DCP2: variants seen among roughly 807,000 people sequenced by gnomAD.
The protein encoded by DCP2 is decapping mRNA 2.
In DCP2, 30 loss-of-function variants were observed where a neutral mutation model predicts 56.1. The observed-to-expected ratio is 0.53, with a 90% CI of 0.40 to 0.73. The LOEUF (loss-of-function observed/expected upper bound fraction) is 0.73, where lower values mean the gene tolerates loss of function less well. Among genes scored for constraint, DCP2 ranks in the 30% least tolerant of loss-of-function variants. The pLI is 0.00. For synonymous variants in DCP2, 197 were observed against 163.3 expected, an observed-to-expected ratio of 1.21 and a Z score of -1.57; for missense variants, 533 against 502.7, an observed-to-expected ratio of 1.06 and a Z score of -0.58.
chr5:112,992,845 T>G, intron 4 of DCP2, 75 bp downstream of exon 4: 2 of 1,158,102 alleles, frequency 1.7e-6, no homozygotes, highest in Non-Finnish European at 2.4e-6. Flanking sequence ...CCATATAGAC[T>G]TACTTCTTTG....
intron 7 of DCP2, 90 bp from the exon 8 acceptor site, chr5:113,003,852 A>G (rs1172830798): frequency 7.0e-7 from 1 of 1,418,442 alleles, no homozygotes; most frequent in Non-Finnish European, 9.8e-7. Context: ...AAATAAGAAA[A>G]TATGTAGTCT....
chr5:112,985,655 C>G (rs1169404969), intron 1 of DCP2, among the ~76,000 whole-genome samples, 180 bp from the exon 2 acceptor site: 1 of 152,178 alleles, frequency 6.6e-6, no homozygotes, highest in Non-Finnish European at 1.5e-5. Flanking sequence ...CATGTGGTGT[C>G]TCCTCTCTAA....
In DCP2 at chr5:113,011,812, C is replaced by T. The variant is rs536723385; in HGVS notation, c.1099+1005C>T. Among the ~76,000 whole-genome samples the T allele has an allele frequency of 3.9e-5, 6 of 152,154 alleles. No individual in the cohort carries two copies. The South Asian group carries it at 1.2e-3, about 32-fold the overall frequency. Reference sequence around the variant, plus strand: ...GATGGGCATCAGAGAGCTTTTTTCCCTGTTTTCTTCTAGGAATGCTACAGT... The same window carrying T: ...GATGGGCATCAGAGAGCTTTTTTCCTTGTTTTCTTCTAGGAATGCTACAGT... On this transcript the variant is annotated intron_variant, in intron 10 of 10. Coordinates refer to ENST00000389063, the MANE Select transcript of DCP2 (RefSeq NM_152624.6).
intron 10 of DCP2, 58 bp from the exon 11 acceptor site, chr5:113,013,263 G>C (rs893299272): frequency 3.2e-6 from 5 of 1,538,672 alleles, no homozygotes; most frequent in Non-Finnish European, 4.4e-6. Flanking sequence ...GCAAAGGGCA[G>C]TATTTGATTT....
At chr5:113,005,151 G>GGTGTGTGGGTGTGTGGGTGT (rs70973659) in intron 8 of DCP2, among the ~76,000 whole-genome samples, 1 of 149,420 alleles carries the variant, frequency 6.7e-6, no homozygotes, top group Admixed American at 6.6e-5. Flanking sequence ...TGTGCGTGTG[G>GGTGTGTGGGTGTGTGGGTGT]GTGTGTGTGT....
intron 2 of DCP2, among the ~76,000 whole-genome samples, chr5:112,986,500 AT>A (rs1038143963): frequency 1.7e-4 from 26 of 149,132 alleles, no homozygotes; most frequent in Middle Eastern, 3.4e-3. Context: ...ATTCCTGCTA[AT>A]TTTTTTTTTA....
At chr5:113,010,563 A>G (rs185366295) in intron 9 of DCP2, among the ~76,000 whole-genome samples, 193 bp from the exon 10 acceptor site, 148 of 152,200 alleles carry the variant, frequency 9.7e-4, no homozygotes, top group Non-Finnish European at 9.0e-4. Context: ...TCAAGAACTA[A>G]AAAAAATTTT....
intron 3 of DCP2, 74 bp from the exon 4 acceptor site, chr5:112,992,598 A>G (rs916427744): frequency 1.1e-5 from 12 of 1,112,736 alleles, no homozygotes; most frequent in Non-Finnish European, 1.6e-5. Context: ...GTAAGGAGAA[A>G]AATGCCTTTG....
intron 2 of DCP2, among the ~76,000 whole-genome samples, chr5:112,987,620 CT>C (rs562254738): frequency 0.016 from 1,132 of 69,648 alleles, 6 homozygotes; most frequent in Middle Eastern, 0.032. Flanking sequence ...ACCTAGGTGC[CT>C]TTTTTTTTTT....
At chr5:112,996,928 C>A (rs1380623265) in intron 4 of DCP2, among the ~76,000 whole-genome samples, 1 of 152,136 alleles carries the variant, frequency 6.6e-6, no homozygotes, top group African/African-American at 2.4e-5. Context: ...AATGAGCATT[C>A]CAATGGCTGA....
In DCP2 at chr5:113,015,860, A is replaced by G. The variant is rs1749865117; in HGVS notation, c.*2376A>G. ...GCGAACTGGATTTCTCCTTTGAGAA[A>G]TTTTAGTATGGTTTGAGGAAATCAA... On this transcript the variant is annotated 3_prime_UTR_variant, in exon 11 of 11. Coordinates refer to ENST00000389063, the MANE Select transcript of DCP2 (RefSeq NM_152624.6). 1 of 152,634 alleles carries G rather than the reference A, an allele frequency of 6.6e-6. No homozygotes were observed. The highest frequency in any genetic ancestry group is 1.5e-5 in the Non-Finnish European group (1 of 68,036). 9.5% of individuals were successfully genotyped at this position (152,634 alleles called of 1,614,324 possible).
chr5:113,009,228 C>A (rs1169549289), intron 9 of DCP2, among the ~76,000 whole-genome samples: 2 of 152,152 alleles, frequency 1.3e-5, no homozygotes, highest in Admixed American at 6.5e-5. Flanking sequence ...CAATAAAATT[C>A]TTTGTAGATT....
intron 4 of DCP2, among the ~76,000 whole-genome samples, chr5:112,999,114 A>G (rs1179177646): frequency 6.6e-6 from 1 of 152,180 alleles, no homozygotes; most frequent in Non-Finnish European, 1.5e-5. Context: ...ATCTAGTTAG[A>G]TACTGTTGGT....
chr5:112,993,829 C>G (rs1209917283), intron 4 of DCP2, among the ~76,000 whole-genome samples: 6 of 152,022 alleles, frequency 3.9e-5, no homozygotes, highest in East Asian at 3.8e-4. Flanking sequence ...TTTTCTGTCT[C>G]TCTCTCGTGT....
At chr5:113,000,961 T>C in intron 4 of DCP2, 123 bp from the exon 5 acceptor site, 1 of 1,011,862 alleles carries the variant, frequency 9.9e-7, no homozygotes, top group Non-Finnish European at 1.4e-6. Flanking sequence ...AGCCTGTCAT[T>C]TCTAGAAATA....
chr5:112,987,703 C>A (rs537941257), intron 2 of DCP2, among the ~76,000 whole-genome samples: 55 of 143,184 alleles, frequency 3.8e-4, no homozygotes, highest in African/African-American at 1.4e-3. Context: ...CAAACTCCTG[C>A]CGTCAAGTGA....
chr5:113,002,906 A>G (rs1052824555), intron 7 of DCP2, among the ~76,000 whole-genome samples: 18 of 152,198 alleles, frequency 1.2e-4, no homozygotes, highest in Admixed American at 1.2e-3. Flanking sequence ...GTATTTTTAA[A>G]CATAATATAT....
intron 8 of DCP2, among the ~76,000 whole-genome samples, chr5:113,007,117 T>C (rs904553944): frequency 2.6e-5 from 4 of 151,904 alleles, no homozygotes; most frequent in African/African-American, 9.7e-5. Flanking sequence ...GGCAACAAAG[T>C]GAGACTCCAT....
Position 112,991,475 on chromosome 5 carries a change from A to G in DCP2, c.206-646A>G, listed in dbSNP as rs377532845. Reference sequence around the variant, plus strand: ...ATGCCTAGTTTCTTTGAAACTGGCTATGTTTTCCTTAATACCTGATTTGCC... The same window carrying G: ...ATGCCTAGTTTCTTTGAAACTGGCTGTGTTTTCCTTAATACCTGATTTGCC... On this transcript the variant is annotated intron_variant, in intron 2 of 10. Transcript: ENST00000389063. 1.3e-3 allele frequency among the ~76,000 whole-genome samples: 196 copies of G among 152,322 alleles called. 1 individual carries two copies. The highest frequency in any genetic ancestry group is 4.6e-3 in the African/African-American group (190 of 41,576).
Sources: allele counts gnomAD v4.1 joint callset (sites outside exome capture counted in the v4.1 genomes callset), GRCh38; gene constraint gnomAD v4.1.1; transcripts MANE v1.5; gene names NCBI Gene and HGNC (gene_info 2026-07-23, HGNC 2026-07-21).